Variants in LRRC9 observed in about 807,000 individuals in gnomAD.
The protein encoded by LRRC9 is leucine rich repeat containing 9, also known as leucine-rich repeat-containing protein 9.
In LRRC9, 122 loss-of-function variants were observed where a neutral mutation model predicts 63.2. That is an observed-to-expected ratio of 1.93 (90% CI 1.67 to 2.24). The LOEUF is 2.24. Among genes scored for constraint, LRRC9 ranks in the 30% most tolerant of loss-of-function variants. LRRC9 has a pLI of 0.00. For missense variants in LRRC9, 1,071 were observed against 627.7 expected (o/e 1.71, Z -7.55); for synonymous variants, 366 against 213.1 (o/e 1.72, Z -6.25).
intron 17 of LRRC9, among the ~76,000 whole-genome samples, chr14:59,995,723 A>AG (rs913094381): frequency 1.1e-4 from 7 of 62,788 alleles, no homozygotes; most frequent in Non-Finnish European, 4.0e-4. Context: ...GGAAGAAGAC[A>AG]GGTTTTTTTT....
intron 29 of LRRC9, among the ~76,000 whole-genome samples, chr14:60,049,547 G>A (rs1419024306): frequency 2.0e-5 from 3 of 152,096 alleles, no homozygotes; most frequent in Non-Finnish European, 4.4e-5. Context: ...ATTCTAGGTT[G>A]GAAATTCTTT....
At chr14:59,976,785 C>A (rs79462942) in intron 13 of LRRC9, among the ~76,000 whole-genome samples, 3,081 of 152,128 alleles carry the variant, frequency 0.02, 112 homozygotes, top group East Asian at 0.15. Flanking sequence ...TAATGAATCC[C>A]AAGGATCCTT....
At chr14:60,043,442 G>T (rs1202977191) in intron 29 of LRRC9, among the ~76,000 whole-genome samples, 1 of 152,028 alleles carries the variant, frequency 6.6e-6, no homozygotes, top group Non-Finnish European at 1.5e-5. Flanking sequence ...TGTCACAGTT[G>T]GCCTTTATTA....
intron 8 of LRRC9, among the ~76,000 whole-genome samples, chr14:59,952,655 A>G (rs997006142): frequency 5.9e-5 from 9 of 151,880 alleles, no homozygotes; most frequent in African/African-American, 2.2e-4. Context: ...TGTTGCTTTT[A>G]TTTTCCTTTA....
chr14:60,036,785 C>G (rs1892473485), intron 29 of LRRC9, among the ~76,000 whole-genome samples: 1 of 151,136 alleles, frequency 6.6e-6, no homozygotes, highest in South Asian at 2.1e-4. Flanking sequence ...TATATATATA[C>G]TTTAAGTTCT....
In LRRC9 at chr14:59,922,221, C is replaced by T. The variant is rs1025653788; in HGVS notation, c.-34+2338C>T. 3.9e-5 allele frequency among the ~76,000 whole-genome samples: 6 copies of T among 152,144 alleles called. No homozygotes were observed. The highest frequency in any genetic ancestry group is 1.4e-4 in the African/African-American group (6 of 41,432). On this transcript the variant is annotated intron_variant, in intron 1 of 31. Coordinates refer to ENST00000445360, the Ensembl canonical transcript of LRRC9. This position sits in a 1 kb window ranked among gnomAD's most constrained non-coding sequence, Gnocchi z 5.3. ...AAAACGTGAAGAAGAGAGTCGTCAG[C>T]ATTGTCAAATGCCATGTCAAGGTCA... is the stretch of plus-strand genomic sequence containing the variant.
At chr14:60,044,484 G>C (rs981766858) in intron 29 of LRRC9, among the ~76,000 whole-genome samples, 2 of 152,052 alleles carry the variant, frequency 1.3e-5, no homozygotes, top group East Asian at 3.9e-4. Context: ...ATAGATTTTG[G>C]TATGGTTTAT....
chr14:59,978,380 T>C (rs1594926005), intron 15 of LRRC9, among the ~76,000 whole-genome samples: 1 of 152,200 alleles, frequency 6.6e-6, no homozygotes, highest in Non-Finnish European at 1.5e-5. Context: ...TCAAAATACA[T>C]TGAAACTACA....
chr14:60,022,993 TTAA>T (rs1363959266), intron 27 of LRRC9, 123 bp downstream of exon 27: 1 of 406,328 alleles, frequency 2.5e-6, no homozygotes, highest in African/African-American at 2.1e-5. Flanking sequence ...CAAAAATATT[TTAA>T]TAATCACAAA....
At chr14:60,065,205 C>A (rs1595141312), downstream of LRRC9, among the ~76,000 whole-genome samples, 1 of 152,068 alleles carries the variant, frequency 6.6e-6, no homozygotes, top group South Asian at 2.1e-4. Context: ...TATGGTGAAA[C>A]CCCATCTCTA....
Position 59,984,879 on chromosome 14 carries a change from A to G in LRRC9, c.2092-226A>G, listed in dbSNP as rs551809260. 2.2e-4 allele frequency among the ~76,000 whole-genome samples: 34 copies of G among 152,342 alleles called. No homozygotes were observed. The South Asian group carries it at 3.7e-3, about 17-fold the overall frequency. The stretch of plus-strand genomic sequence containing the variant: ...GACCAAGTAAGAAATCATATTAATC[A>G]AGAACCAGGTCTAGTGATACTATTA... On this transcript the variant is annotated intron_variant, in intron 16 of 31. Transcript: ENST00000445360.
At chr14:60,054,050 G>C in intron 30 of LRRC9, 1 of 387,944 alleles carries the variant, frequency 2.6e-6, no homozygotes, top group Non-Finnish European at 5.0e-6. Flanking sequence ...AAGGACATTA[G>C]AGTCCATGAA....
At chr14:60,043,219 A>G (rs919985290) in intron 29 of LRRC9, among the ~76,000 whole-genome samples, 14 of 152,238 alleles carry the variant, frequency 9.2e-5, no homozygotes, top group Admixed American at 4.6e-4. Flanking sequence ...TTTTCTAAGC[A>G]TAGGATCACA....
chr14:59,941,978 G>A (rs1438608002), intron 7 of LRRC9, among the ~76,000 whole-genome samples: 1 of 151,996 alleles, frequency 6.6e-6, no homozygotes, highest in Non-Finnish European at 1.5e-5. Context: ...CTTGCCTACA[G>A]CCTCCAATAG....
In LRRC9 at chr14:59,958,489, C is replaced by T. The variant is rs544245123; in HGVS notation, c.883-1329C>T. 6.6e-5 allele frequency among the ~76,000 whole-genome samples: 10 copies of T among 152,302 alleles called. No individual in the cohort carries two copies. The highest frequency in any genetic ancestry group is 2.9e-5 in the Non-Finnish European group (2 of 68,024). ...CACCCCTGCCCCAACCAAGCTCAAT[C>T]GACCCAGGTCGACTTCAGACTGCTG... is the stretch of plus-strand genomic sequence containing the variant. On this transcript the variant is annotated intron_variant, in intron 8 of 31. Coordinates refer to ENST00000445360, the Ensembl canonical transcript of LRRC9. This position sits in a 1 kb window ranked among gnomAD's most constrained non-coding sequence, Gnocchi z 4.0.
Position 60,060,871 on chromosome 14 carries a change from A to G in LRRC9, c.4277-2452A>G, listed in dbSNP as rs1462146753. Reference sequence around the variant, plus strand: ...TTTGTAATTCATCAGAGGAGGTCAAAATAGCAACCCTAATGGGAGTTTGGA... The same window carrying G: ...TTTGTAATTCATCAGAGGAGGTCAAGATAGCAACCCTAATGGGAGTTTGGA... On this transcript the variant is annotated intron_variant, in intron 31 of 31. Transcript: ENST00000445360. The surrounding 1 kb of genome is among the most constrained non-coding windows in gnomAD (Gnocchi z 4.0). Among the ~76,000 whole-genome samples the G allele has an allele frequency of 6.6e-6, 1 of 152,232 alleles. No homozygotes were observed. Among genetic ancestry groups the G allele is most frequent in the Admixed American group, 6.5e-5 (1 of 15,286 alleles).
exon 3 of LRRC9, chr14:59,928,297 G>A (rs1000667786): frequency 9.5e-6 from 6 of 629,418 alleles, no homozygotes; most frequent in Middle Eastern, 2.6e-4. Flanking sequence ...CTTATGAGAT[G>A]GTTGGACAAG....
chr14:59,931,981 A>G (rs1048719770), exon 6 of LRRC9: 2 of 700,166 alleles, frequency 2.9e-6, no homozygotes, highest in Non-Finnish European at 5.2e-6. Flanking sequence ...CGATGTCTTG[A>G]CTCCAATGAA....
chr14:60,056,557 A>G (rs1041274260), intron 30 of LRRC9, among the ~76,000 whole-genome samples: 1 of 152,202 alleles, frequency 6.6e-6, no homozygotes, highest in African/African-American at 2.4e-5. Context: ...GAGTTATTCT[A>G]GATACATATT....
Sources: gnomAD v4.1 joint callset for allele counts (sites outside exome capture counted in the v4.1 genomes callset) on GRCh38, gnomAD v4.1.1 for gene constraint, Gnocchi (gnomAD v3.1) non-coding constraint, MANE v1.5 for transcripts, NCBI Gene and HGNC (gene_info 2026-07-23, HGNC 2026-07-21) for gene names.